The following CDH23 variants were observed in gnomAD, a reference collection of about 807,000 sequenced individuals.
CDH23 encodes cadherin-23.
CDH23 carries 189 observed loss-of-function variants against 317.1 expected under a neutral mutation model. That is an observed-to-expected ratio of 0.60 (90% confidence interval 0.53 to 0.67). CDH23 has a LOEUF of 0.67. Ranked by LOEUF, CDH23 falls within the 30% of genes least tolerant of loss-of-function variation. The pLI is 0.00. For synonymous variants in CDH23, 1,839 were observed against 1,876.8 expected (o/e 0.98, Z 0.52); for missense variants, 4,401 against 4,592.4 (o/e 0.96, Z 1.20).
At chr10:71,776,652 A>G (rs921617055) in intron 38 of CDH23, among the ~76,000 whole-genome samples, 1 of 152,190 alleles carries the variant, frequency 6.6e-6, no homozygotes, top group African/African-American at 2.4e-5. Flanking sequence ...CACATGTCCA[A>G]AGGGAAAGAA....
chr10:71,448,070 C>G (rs555877032), intron 3 of CDH23, among the ~76,000 whole-genome samples: 1 of 152,360 alleles, frequency 6.6e-6, no homozygotes, highest in Non-Finnish European at 1.5e-5. Context: ...CTAACTGACC[C>G]TGCTGCCGGC....
rs1360955355 is a variant in CDH23 at position 71,467,266 on chromosome 10, C to T, written c.145+20871C>T. Among the ~76,000 whole-genome samples the T allele has an allele frequency of 2.6e-5, 4 of 152,174 alleles. No homozygotes were observed. In the East Asian group the frequency reaches 7.7e-4, roughly 29 times the overall value. ...ATAAACGTGTGAACTTGAACAAGAA[C>T]ATTTTGTAGGTGATAATGTATGCCA... On this transcript the variant is annotated intron_variant, in intron 3 of 69. Coordinates refer to ENST00000224721, the MANE Select transcript of CDH23 (RefSeq NM_022124.6).
At chr10:71,446,008 C>T (rs1026898654) in intron 2 of CDH23, among the ~76,000 whole-genome samples, 1 of 152,158 alleles carries the variant, frequency 6.6e-6, no homozygotes, top group African/African-American at 2.4e-5. Flanking sequence ...TTTTTTCATA[C>T]AGAGGCTTCT....
In CDH23 at chr10:71,650,656, A is replaced by T. The variant is rs142510053; in HGVS notation, c.1449+4039A>T. On this transcript the variant is annotated intron_variant, in intron 14 of 69. Transcript: ENST00000224721. ...GTCTCATGTGCACACGTGTGTGTAC[A>T]TGTATGTGCCTGTACCGATGCATGG... 3.3e-5 allele frequency among the ~76,000 whole-genome samples: 5 copies of T among 152,338 alleles called. No individual in the cohort carries two copies. In the East Asian group the frequency reaches 9.6e-4, roughly 29 times the overall value.
chr10:71,496,562 G>A (rs115903108), intron 3 of CDH23, among the ~76,000 whole-genome samples: 2,603 of 152,336 alleles, frequency 0.017, 60 homozygotes, highest in African/African-American at 0.054. Flanking sequence ...TAGTCACAAC[G>A]TTGGGAGTGT....
rs1842099812 is a variant in CDH23, at chr10:71,815,330, CCA to C, written c.*53_*54del. Reference sequence around the variant, plus strand: ...AGCAGCACCCATCCACCGTCCCCTCCCAGGGAGCAAGGGCAGGGACAGGGCCG... The same window carrying C: ...AGCAGCACCCATCCACCGTCCCCTCCGGGAGCAAGGGCAGGGACAGGGCCG... On this transcript the variant is annotated 3_prime_UTR_variant, in exon 70 of 70. Transcript: ENST00000224721. The C allele has an allele frequency of 6.8e-7, 1 of 1,476,746 alleles. No homozygotes were observed. The highest frequency in any genetic ancestry group is 1.4e-5 in the African/African-American group (1 of 70,880). 91.5% of individuals were successfully genotyped at this position (1,476,746 alleles called of 1,614,324 possible).
intron 9 of CDH23, among the ~76,000 whole-genome samples, chr10:71,605,217 AT>A (rs2132486638): frequency 6.6e-6 from 1 of 152,012 alleles, no homozygotes; most frequent in African/African-American, 2.4e-5. Context: ...TTTGGGGATT[AT>A]TTTTTAAAGG....
intron 3 of CDH23, among the ~76,000 whole-genome samples, chr10:71,466,383 C>T (rs188423619): frequency 1.3e-5 from 2 of 151,830 alleles, no homozygotes; most frequent in Non-Finnish European, 2.9e-5. Context: ...TGTCCCTGCC[C>T]GTGTGTGATA....
intron 6 of CDH23, among the ~76,000 whole-genome samples, chr10:71,561,539 C>T (rs1003754497): frequency 6.6e-6 from 1 of 152,174 alleles, no homozygotes; most frequent in Non-Finnish European, 1.5e-5. Flanking sequence ...CACGGCAGAA[C>T]TTTCCCAGAG....
intron 1 of CDH23, among the ~76,000 whole-genome samples, chr10:71,425,385 A>AAGGAAGGAAGGAAGGAAGGAAGGG (rs1321726358): frequency 7.0e-6 from 1 of 142,426 alleles, no homozygotes; most frequent in Non-Finnish European, 1.6e-5. Context: ...GGAAGGAAGG[A>AAGGAAGGAAGGAAGGAAGGAAGGG]AGGAAGGAAG....
rs774010647 is a variant in CDH23 at position 71,784,370 on chromosome 10, A to G, written c.5452A>G (p.Asn1818Asp). 42 of 1,613,776 alleles carry G rather than the reference A, an allele frequency of 2.6e-5. 1 individual carries two copies. Among genetic ancestry groups the G allele is most frequent in the Admixed American group, 6.7e-5 (4 of 59,992 alleles). Residue 1818 changes from asparagine to aspartate, a missense_variant, in exon 42 of 70, where the codon AAC becomes GAC. Asn to Asp is a conservative substitution (Grantham distance 23). Coordinates refer to ENST00000224721, the MANE Select transcript of CDH23 (RefSeq NM_022124.6). ...GGACCGGGAGACCATCGCCTTCTAC[A>G]ACCTGACCATCTGTGCCCGTGACCG... ...ELDRETIAFY[N>D]LTICARDRGM... is the part of the protein sequence containing the mutation.
intron 38 of CDH23, chr10:71,752,867 C>T: frequency 7.4e-7 from 1 of 1,344,610 alleles, no homozygotes. Context: ...AGAGGCTCTT[C>T]TGACCAGCTG....
At chr10:71,646,051 G>T (rs1862837774) in intron 13 of CDH23, 71 bp downstream of exon 13, 1 of 1,553,816 alleles carries the variant, frequency 6.4e-7, no homozygotes, top group Admixed American at 2.0e-5. Flanking sequence ...GGGTAGGGTA[G>T]AAGATTCCCT....
Position 71,510,150 on chromosome 10 carries a change from G to A in CDH23, c.214G>A (p.Glu72Lys). The A allele has an allele frequency of 6.2e-7, 1 of 1,614,030 alleles. No homozygotes were observed. The highest frequency in any genetic ancestry group is 8.5e-7 in the Non-Finnish European group (1 of 1,179,892). ...NDPLVFGVSG[E>K]EASRFFAVEP... ...CCCCCTGGTGTTTGGCGTGTCTGGG[G>A]AGGAGGCCTCTCGCTTCTTTGCAGT... is the stretch of plus-strand genomic sequence containing the variant. The change falls in exon 4 of 70, where the codon GAG becomes AAG. Residue 72 changes from glutamate to lysine, a missense_variant. Physicochemically the swap from Glu to Lys is moderately conservative, Grantham distance 56. This residue lies in a region of CDH23 where 3,068 missense variants were observed against 3,203.3 expected (regional missense o/e 0.96). Transcript: ENST00000224721.
chr10:71,601,918 C>T (rs534851494), intron 9 of CDH23, among the ~76,000 whole-genome samples: 42 of 151,450 alleles, frequency 2.8e-4, no homozygotes, highest in African/African-American at 9.7e-4. Flanking sequence ...TCTCTGTTCT[C>T]CCTTCAGGCA....
intron 6 of CDH23, among the ~76,000 whole-genome samples, chr10:71,538,840 C>T (rs906277063): frequency 6.6e-6 from 1 of 152,172 alleles, no homozygotes; most frequent in Non-Finnish European, 1.5e-5. Flanking sequence ...GAGTTCTTAC[C>T]GCTCAGTATA....
In CDH23 at chr10:71,704,923, G is replaced by C; in HGVS notation, c.2746G>C (p.Asp916His). The change falls in exon 25 of 70, where the codon GAC (aspartate) becomes CAC (histidine). Residue 916 changes from aspartate (D) to histidine (H), a missense_variant. Asp to His is a moderately conservative substitution (Grantham distance 81, BLOSUM62 -1). This residue lies in a region of CDH23 where 3,068 missense variants were observed against 3,203.3 expected (regional missense o/e 0.96). Transcript: ENST00000224721. ...GVSIYQVVAI[D>H]LDEGLNGLVS... Reference sequence around the variant, plus strand: ...TCCTTGCCCTCAGGTGGTGGCCATCGACCTCGATGAGGGCCTGAACGGCCT... The same window carrying C: ...TCCTTGCCCTCAGGTGGTGGCCATCCACCTCGATGAGGGCCTGAACGGCCT... The C allele has an allele frequency of 6.2e-7, 1 of 1,612,334 alleles. No individual in the cohort carries two copies. The highest frequency in any genetic ancestry group is 8.5e-7 in the Non-Finnish European group (1 of 1,179,392).
chr10:71,742,193 T>C (rs76794697), intron 38 of CDH23, among the ~76,000 whole-genome samples: 4,574 of 152,278 alleles, frequency 0.03, 106 homozygotes, highest in East Asian at 0.086. Flanking sequence ...AGAGCAGCTC[T>C]ATGGGGTGGT....
chr10:71,403,403 CTTT>C (rs1847915780), intron 1 of CDH23, among the ~76,000 whole-genome samples: 3 of 80,002 alleles, frequency 3.7e-5, no homozygotes, highest in East Asian at 7.4e-4. Flanking sequence ...TTCTTTCTTT[CTTT>C]CTCTTCCTTC....
Sources: gnomAD v4.1 joint callset for allele counts (sites outside exome capture counted in the v4.1 genomes callset) on GRCh38, gnomAD v4.1.1 for gene constraint, gnomAD v4.1.1 regional missense constraint, MANE v1.5 for transcripts, NCBI Gene and HGNC (gene_info 2026-07-23, HGNC 2026-07-21) for gene names.